SMCHD1: variants seen among roughly 807,000 people sequenced by gnomAD.
The protein encoded by SMCHD1 is structural maintenance of chromosomes flexible hinge domain-containing protein 1.
SMCHD1 carries 78 observed loss-of-function variants against 254.7 expected under a neutral mutation model. The ratio of observed to expected loss-of-function variants is 0.31; its 90% CI spans 0.26 to 0.37. The LOEUF is 0.37. Ranked by LOEUF, SMCHD1 falls within the 10% of genes least tolerant of loss-of-function variation. The pLI is 1.00. For synonymous variants in SMCHD1, 766 were observed against 794.9 expected (o/e 0.96, Z 0.61); for missense variants, 1,840 against 2,408.1 (o/e 0.76, Z 4.94).
At position 2,691,165 on chromosome 18, in the gene SMCHD1, C is replaced by A. The variant is rs116833893; in HGVS notation, c.873+2418C>A. 4.1e-3 allele frequency among the ~76,000 whole-genome samples: 622 copies of A among 152,100 alleles called. 3 individuals carry two copies. The highest frequency in any genetic ancestry group is 0.014 in the African/African-American group (601 of 41,470). On this transcript the variant is annotated intron_variant, in intron 7 of 47. Coordinates refer to ENST00000320876, the MANE Select transcript of SMCHD1 (RefSeq NM_015295.3). ...CCATCTTGTCTTAACCACCACAGAG[C>A]CCTATAAAATATAATGGTGGAAATA...
At chr18:2,668,127 G>A (rs2073488085) in intron 3 of SMCHD1, among the ~76,000 whole-genome samples, 1 of 152,010 alleles carries the variant, frequency 6.6e-6, no homozygotes, top group South Asian at 2.1e-4. Flanking sequence ...TGATCCTCCC[G>A]CCTCGGCCTC....
chr18:2,800,409 C>G (rs770090206), intron 47 of SMCHD1: 1 of 152,142 alleles, frequency 6.6e-6, no homozygotes, highest in Non-Finnish European at 1.5e-5. Context: ...GTTGCTGGCA[C>G]ACTAGGACCT....
chr18:2,695,711 T>C (rs1039416467), intron 8 of SMCHD1, among the ~76,000 whole-genome samples: 1 of 152,246 alleles, frequency 6.6e-6, no homozygotes, highest in African/African-American at 2.4e-5. Flanking sequence ...TGGGTACATC[T>C]GCTCAAAATT....
intron 3 of SMCHD1, 115 bp from the exon 4 acceptor site, chr18:2,673,166 T>C: frequency 7.2e-7 from 1 of 1,381,674 alleles, no homozygotes; most frequent in East Asian, 2.6e-5. Context: ...ATCAGGATAA[T>C]ACTTTAATTC....
At chr18:2,688,102 A>G (rs2074092941) in intron 5 of SMCHD1, among the ~76,000 whole-genome samples, 1 of 152,258 alleles carries the variant, frequency 6.6e-6, no homozygotes, top group South Asian at 2.1e-4. Flanking sequence ...AGGCATGAGG[A>G]TAATAAAAAT....
intron 5 of SMCHD1, among the ~76,000 whole-genome samples, chr18:2,675,209 A>G (rs907675617): frequency 2.0e-4 from 30 of 151,736 alleles, no homozygotes; most frequent in Non-Finnish European, 2.9e-5. Context: ...GTCAATAAAT[A>G]TAAGCTATAG....
intron 44 of SMCHD1, among the ~76,000 whole-genome samples, chr18:2,780,204 A>C (rs551038932): frequency 8.3e-6 from 1 of 119,980 alleles, no homozygotes; most frequent in Middle Eastern, 4.7e-3. Flanking sequence ...ATGCCACTGC[A>C]CTCCAGTCCG....
rs181314851 is a variant in SMCHD1 at position 2,755,104 on chromosome 18, T to G, written c.4346+2552T>G. Among the ~76,000 whole-genome samples, 165 of 152,174 alleles carry G rather than the reference T, an allele frequency of 1.1e-3. 1 individual carries two copies. Among genetic ancestry groups the G allele is most frequent in the African/African-American group, 3.9e-3 (160 of 41,522 alleles). ...GGGTCTCACTATGTCACCCAGGCTGTAGTGCAGTGGTGCAATCATGGCTCA... is the reference window on the plus strand; with the variant it reads ...GGGTCTCACTATGTCACCCAGGCTGGAGTGCAGTGGTGCAATCATGGCTCA... On this transcript the variant is annotated intron_variant, in intron 34 of 47. Transcript: ENST00000320876.
At chr18:2,710,157 T>C (rs1224664925) in intron 17 of SMCHD1, among the ~76,000 whole-genome samples, 5 of 152,236 alleles carry the variant, frequency 3.3e-5, no homozygotes, top group Non-Finnish European at 7.3e-5. Flanking sequence ...AAGACTATAC[T>C]TTCTCTATTG....
intron 1 of SMCHD1, among the ~76,000 whole-genome samples, chr18:2,659,769 A>G (rs1243558134): frequency 8.6e-5 from 13 of 150,798 alleles, no homozygotes; most frequent in African/African-American, 3.2e-4. Context: ...TTTTGAAAAA[A>G]AAAAAAAAAA....
intron 25 of SMCHD1, among the ~76,000 whole-genome samples, chr18:2,738,084 A>G (rs2075282897): frequency 6.6e-6 from 1 of 152,230 alleles, no homozygotes; most frequent in African/African-American, 2.4e-5. Context: ...AGAATTAATC[A>G]CATGATCTGA....
chr18:2,782,756 A>AC (rs1317917775), intron 44 of SMCHD1, among the ~76,000 whole-genome samples: 206 of 150,598 alleles, frequency 1.4e-3, no homozygotes, highest in African/African-American at 4.5e-3. Context: ...AAAAAAAAAA[A>AC]AAAAAAAAAA....
intron 1 of SMCHD1, among the ~76,000 whole-genome samples, chr18:2,657,933 C>T (rs1000314206): frequency 3.4e-4 from 51 of 152,058 alleles, no homozygotes; most frequent in African/African-American, 1.2e-3. Flanking sequence ...CAGGTGAGCG[C>T]CACCATGCCC....
At chr18:2,684,153 C>A (rs1323707343) in intron 5 of SMCHD1, among the ~76,000 whole-genome samples, 3 of 151,940 alleles carry the variant, frequency 2.0e-5, no homozygotes, top group Admixed American at 2.0e-4. Context: ...GAGAGAGATC[C>A]TGTCAGACAT....
At chr18:2,779,164 A>G (rs1457639543) in intron 44 of SMCHD1, 1 of 151,616 alleles carries the variant, frequency 6.6e-6, no homozygotes, top group African/African-American at 2.4e-5. Flanking sequence ...GCTGCTATAT[A>G]TATAACACTC....
At chr18:2,719,029 A>G (rs1192276416) in intron 19 of SMCHD1, among the ~76,000 whole-genome samples, 1 of 151,100 alleles carries the variant, frequency 6.6e-6, no homozygotes, top group Non-Finnish European at 1.5e-5. Flanking sequence ...CCAGTCCTCA[A>G]GTTTTAGGGG....
chr18:2,661,823 T>C (rs999611586), intron 1 of SMCHD1, among the ~76,000 whole-genome samples: 3 of 152,172 alleles, frequency 2.0e-5, no homozygotes, highest in Non-Finnish European at 2.9e-5. Flanking sequence ...TGAACTATTA[T>C]ATGCAGTTAT....
rs372441323 is a variant in SMCHD1, at chr18:2,722,480, A to G, written c.2459-39A>G. On this transcript the variant is annotated intron_variant, in intron 19 of 47. Coordinates refer to ENST00000320876, the MANE Select transcript of SMCHD1 (RefSeq NM_015295.3). ...TGACCCCCAATGGCTTTTCTGACCA[A>G]TGTACTTGCTTTTCATTTCATTTTT... 68 of 1,586,558 alleles carry G rather than the reference A, an allele frequency of 4.3e-5. No homozygotes were observed. In the East Asian group the frequency reaches 8.8e-4, roughly 20 times the overall value.
At chr18:2,681,774 A>G (rs1337672674) in intron 5 of SMCHD1, among the ~76,000 whole-genome samples, 1 of 152,100 alleles carries the variant, frequency 6.6e-6, no homozygotes, top group Non-Finnish European at 1.5e-5. Flanking sequence ...GGATTCAGGT[A>G]TGTGTTGGGT....
Sources: gnomAD v4.1 joint callset for allele counts (sites outside exome capture counted in the v4.1 genomes callset) on GRCh38, gnomAD v4.1.1 for gene constraint, MANE v1.5 for transcripts, NCBI Gene and HGNC (gene_info 2026-07-23, HGNC 2026-07-21) for gene names.